The following UCK2 variants were observed in gnomAD, a reference collection of about 807,000 sequenced individuals.
UCK2 encodes uridine-cytidine kinase 2.
Under a neutral mutation model 30.8 loss-of-function variants are expected in UCK2, and 6 were observed. That is an observed-to-expected ratio of 0.19 (90% CI 0.11 to 0.38). The LOEUF is 0.38. Among genes scored for constraint, UCK2 ranks in the 10% least tolerant of loss-of-function variants. The probability of loss-of-function intolerance (pLI) is 1.00; values close to 1 mark genes in which losing one functional copy is unlikely to be tolerated. For missense variants in UCK2, 210 were observed against 339.8 expected (o/e 0.62, Z 3.00); for synonymous variants, 125 against 133.6 (o/e 0.94, Z 0.45).
At chr1:165,860,450 A>G (rs1654866899) in intron 1 of UCK2, among the ~76,000 whole-genome samples, 1 of 151,384 alleles carries the variant, frequency 6.6e-6, no homozygotes, top group Non-Finnish European at 1.5e-5. Context: ...TTTTTTTGAG[A>G]CAGGGTCTCA....
intron 1 of UCK2, among the ~76,000 whole-genome samples, chr1:165,850,927 ATTTTTTTTTTTTTTT>A (rs61491030): frequency 1.8e-5 from 2 of 109,928 alleles, no homozygotes; most frequent in Non-Finnish European, 3.6e-5. Flanking sequence ...TGGCCTTTAA[ATTTTTTTTTTTTTTT>A]TTTTTTTTTT....
intron 1 of UCK2, among the ~76,000 whole-genome samples, chr1:165,888,696 T>C (rs1024937358): frequency 1.4e-5 from 2 of 139,120 alleles, no homozygotes; most frequent in African/African-American, 5.4e-5. Context: ...TTGCCCAGGC[T>C]GGTCTCGAAT....
chr1:165,833,724 G>A (rs1654112954), intron 1 of UCK2, among the ~76,000 whole-genome samples: 1 of 152,054 alleles, frequency 6.6e-6, no homozygotes, highest in African/African-American at 2.4e-5. Context: ...GCTCTGTGAT[G>A]GTGCTGTTGG....
intron 1 of UCK2, among the ~76,000 whole-genome samples, chr1:165,882,128 G>A (rs1655514910): frequency 6.6e-6 from 1 of 152,196 alleles, no homozygotes; most frequent in Admixed American, 6.5e-5. Context: ...CCGAAAGGGG[G>A]AAGAAACACC....
At chr1:165,861,399 C>G (rs1009315508) in intron 1 of UCK2, among the ~76,000 whole-genome samples, 3 of 151,912 alleles carry the variant, frequency 2.0e-5, no homozygotes, top group African/African-American at 4.8e-5. Flanking sequence ...GAGGCCGAGG[C>G]GGGCGGATCA....
intron 1 of UCK2, among the ~76,000 whole-genome samples, chr1:165,881,100 G>A (rs1655489313): frequency 6.7e-6 from 1 of 150,312 alleles, no homozygotes; most frequent in Admixed American, 6.7e-5. Flanking sequence ...TTGAACCTGG[G>A]AGGCAGAGGT....
At chr1:165,895,077 G>A (rs1026856519) in intron 3 of UCK2, among the ~76,000 whole-genome samples, 5 of 152,188 alleles carry the variant, frequency 3.3e-5, no homozygotes, top group African/African-American at 1.2e-4. Context: ...GTGACAGCCC[G>A]TCGCCTAACC....
At chr1:165,885,081 A>G (rs1217332331) in intron 1 of UCK2, 2 of 302,814 alleles carry the variant, frequency 6.6e-6, no homozygotes, top group African/African-American at 4.3e-5. Context: ...GTGGGACAAA[A>G]CAGTATTATA....
intron 1 of UCK2, among the ~76,000 whole-genome samples, chr1:165,829,043 G>GA (rs1276577853): frequency 6.6e-6 from 1 of 152,084 alleles, no homozygotes; most frequent in Admixed American, 6.6e-5. Flanking sequence ...TTTAGCTCCC[G>GA]AACCGACTCG....
At chr1:165,850,380 T>C (rs1654558955) in intron 1 of UCK2, among the ~76,000 whole-genome samples, 1 of 152,148 alleles carries the variant, frequency 6.6e-6, no homozygotes, top group Non-Finnish European at 1.5e-5. Flanking sequence ...TCCATCTGCC[T>C]TGGCCTCCCA....
chr1:165,857,801 A>AC lies in UCK2; in HGVS notation c.99+29872dup. On this transcript the variant is annotated intron_variant, in intron 1 of 6. Transcript: ENST00000367879. ...AGCTTTGGCTGACATCTGTCATTCTACCCTACTCCTGTTGGCCTTACTTTC... is the reference window on the plus strand; with the variant it reads ...AGCTTTGGCTGACATCTGTCATTCTACCCCTACTCCTGTTGGCCTTACTTTC... 2.6e-5 allele frequency among the ~76,000 whole-genome samples: 4 copies of AC among 152,148 alleles called. 1 individual carries two copies. The highest frequency in any genetic ancestry group is 9.6e-5 in the African/African-American group (4 of 41,468).
chr1:165,863,448 C>T (rs1654969851), intron 1 of UCK2, among the ~76,000 whole-genome samples: 1 of 152,196 alleles, frequency 6.6e-6, no homozygotes, highest in South Asian at 2.1e-4. Context: ...TTCAGTATTT[C>T]ATCAGCAGTA....
chr1:165,883,127 T>A (rs761795267), intron 1 of UCK2, among the ~76,000 whole-genome samples: 2 of 152,164 alleles, frequency 1.3e-5, no homozygotes, highest in Non-Finnish European at 2.9e-5. Context: ...TCTTAATGGC[T>A]CTCAGCTCTA....
chr1:165,851,832 A>G (rs1654605877), intron 1 of UCK2, among the ~76,000 whole-genome samples: 1 of 152,042 alleles, frequency 6.6e-6, no homozygotes. Flanking sequence ...TACGAGTGAG[A>G]ATATGAGGCA....
At chr1:165,898,495 A>T (rs1647347103) in intron 4 of UCK2, among the ~76,000 whole-genome samples, 1 of 152,118 alleles carries the variant, frequency 6.6e-6, no homozygotes, top group Non-Finnish European at 1.5e-5. Context: ...CTCCAAGGGG[A>T]TCTGCTCCGG....
chr1:165,874,170 TG>T lies in UCK2; in HGVS notation c.100-16033del. Among the ~76,000 whole-genome samples the T allele has an allele frequency of 2.0e-5, 3 of 152,324 alleles. No individual in the cohort carries two copies. The South Asian group carries it at 6.2e-4, about 32-fold the overall frequency. On this transcript the variant is annotated intron_variant, in intron 1 of 6. Transcript: ENST00000367879. Reference sequence around the variant, plus strand: ...GAGACAGGGGTAGATGGGAACTTGATGCTGCCCTCATAAGCACTGATTCTCT... The same window carrying T: ...GAGACAGGGGTAGATGGGAACTTGATCTGCCCTCATAAGCACTGATTCTCT...
chr1:165,844,107 G>A (rs559936774), intron 1 of UCK2, among the ~76,000 whole-genome samples: 1 of 152,250 alleles, frequency 6.6e-6, no homozygotes, highest in East Asian at 1.9e-4. Context: ...TAGCACCAAG[G>A]AGTTAAGTAC....
intron 1 of UCK2, among the ~76,000 whole-genome samples, chr1:165,882,207 T>C (rs972426436): frequency 1.3e-5 from 2 of 152,190 alleles, no homozygotes; most frequent in African/African-American, 4.8e-5. Flanking sequence ...CAGGTGTATG[T>C]TCATCACCCT....
At chr1:165,859,501 T>G (rs1354753233) in intron 1 of UCK2, among the ~76,000 whole-genome samples, 3 of 152,142 alleles carry the variant, frequency 2.0e-5, no homozygotes, top group Non-Finnish European at 4.4e-5. Flanking sequence ...TTCCCTGCAT[T>G]TCAGACCTAA....
Sources: allele counts gnomAD v4.1 joint callset (sites outside exome capture counted in the v4.1 genomes callset), GRCh38; gene constraint gnomAD v4.1.1; transcripts MANE v1.5; gene names NCBI Gene and HGNC (gene_info 2026-07-23, HGNC 2026-07-21).